The following TBL1XR1 variants were observed in gnomAD, a reference collection of about 807,000 sequenced individuals.
TBL1XR1 encodes TBL1X/Y related 1.
In TBL1XR1, 5 loss-of-function variants were observed where a neutral mutation model predicts 66.9. The ratio of observed to expected loss-of-function variants is 0.07; its 90% CI spans 0.04 to 0.16. TBL1XR1 has a LOEUF of 0.16. TBL1XR1 is among the 10% of genes least tolerant of loss of function. TBL1XR1 has a pLI of 1.00. For missense variants in TBL1XR1, 238 were observed against 623.2 expected (o/e 0.38, Z 6.58); for synonymous variants, 210 against 206.0 (o/e 1.02, Z -0.17).
intron 6 of TBL1XR1, 84 bp from the exon 7 acceptor site, chr3:177,050,222 A>T: frequency 6.8e-7 from 1 of 1,472,002 alleles, no homozygotes; most frequent in Non-Finnish European, 9.2e-7. Context: ...CTGAATATTA[A>T]TAAGGCAAAT....
At chr3:177,141,308 G>A (rs1322500024) in intron 1 of TBL1XR1, among the ~76,000 whole-genome samples, 1 of 152,144 alleles carries the variant, frequency 6.6e-6, no homozygotes, top group African/African-American at 2.4e-5. Context: ...TTTAAAAACT[G>A]ATTTTGATTT....
intron 1 of TBL1XR1, among the ~76,000 whole-genome samples, chr3:177,150,739 C>A (rs966145301): frequency 2.0e-5 from 3 of 152,168 alleles, no homozygotes; most frequent in Non-Finnish European, 2.9e-5. Flanking sequence ...AGGTGCCATG[C>A]AGCTGAGCAG....
intron 1 of TBL1XR1, among the ~76,000 whole-genome samples, chr3:177,164,904 T>A (rs73039696): frequency 4.3e-4 from 65 of 152,318 alleles, no homozygotes; most frequent in African/African-American, 1.5e-3. Context: ...TAGGAAAAAT[T>A]GTATATTTAC....
chr3:177,195,876 AC>A (rs1736787837), intron 1 of TBL1XR1, among the ~76,000 whole-genome samples: 1 of 152,210 alleles, frequency 6.6e-6, no homozygotes. Context: ...TCACATAGGT[AC>A]TAAAACTCTT....
intron 1 of TBL1XR1, among the ~76,000 whole-genome samples, chr3:177,194,575 T>G (rs567572115): frequency 6.6e-6 from 1 of 152,214 alleles, no homozygotes; most frequent in Non-Finnish European, 1.5e-5. Context: ...GAGATTCCTT[T>G]GTCAGCTACT....
At chr3:177,064,891 AG>A (rs1560133380) in intron 3 of TBL1XR1, 28 bp downstream of exon 3, 1 of 1,304,864 alleles carries the variant, frequency 7.7e-7, no homozygotes, top group South Asian at 1.3e-5. Flanking sequence ...AAATAATTTG[AG>A]GCCTATTTAC....
intron 1 of TBL1XR1, among the ~76,000 whole-genome samples, chr3:177,158,452 C>T (rs952657342): frequency 1.4e-4 from 22 of 152,212 alleles, no homozygotes; most frequent in South Asian, 4.2e-4. Context: ...TGGTCTCGAA[C>T]TCCTGACCTC....
At chr3:177,084,159 A>T (rs569973861) in intron 2 of TBL1XR1, among the ~76,000 whole-genome samples, 1 of 152,182 alleles carries the variant, frequency 6.6e-6, no homozygotes, top group Non-Finnish European at 1.5e-5. Flanking sequence ...TATACTGGCT[A>T]TATCATTCAG....
chr3:177,108,922 G>A (rs533689627), intron 1 of TBL1XR1, among the ~76,000 whole-genome samples: 3 of 152,224 alleles, frequency 2.0e-5, no homozygotes, highest in East Asian at 3.9e-4. Context: ...ACCAAGCAGC[G>A]ATGAGAAGAA....
At chr3:177,099,382 C>A (rs922404920) in intron 1 of TBL1XR1, 31 of 152,472 alleles carry the variant, frequency 2.0e-4, no homozygotes, top group African/African-American at 6.3e-4. Context: ...ACAACAACAA[C>A]AAAAAAGTTA....
At chr3:177,047,596 T>C (rs771374596) in intron 7 of TBL1XR1, 47 bp from the exon 8 acceptor site, 1 of 1,554,624 alleles carries the variant, frequency 6.4e-7, no homozygotes, top group South Asian at 1.1e-5. Flanking sequence ...AGATACGGTA[T>C]TTAATTGTTG....
chr3:177,189,534 A>G (rs1339840033), intron 1 of TBL1XR1, among the ~76,000 whole-genome samples: 2 of 151,942 alleles, frequency 1.3e-5, no homozygotes, highest in Non-Finnish European at 2.9e-5. Flanking sequence ...CAGCACCTGT[A>G]ATCCCAGCTA....
At chr3:177,111,782 A>C (rs1436856368) in intron 1 of TBL1XR1, among the ~76,000 whole-genome samples, 1 of 151,998 alleles carries the variant, frequency 6.6e-6, no homozygotes, top group African/African-American at 2.4e-5. Flanking sequence ...ATTTCAGATG[A>C]GTCAGAGCTA....
intron 1 of TBL1XR1, among the ~76,000 whole-genome samples, chr3:177,170,617 A>G (rs1165819996): frequency 1.3e-5 from 2 of 152,158 alleles, no homozygotes; most frequent in Non-Finnish European, 2.9e-5. Flanking sequence ...TATATTCTAA[A>G]GTCCTTGAGA....
intron 1 of TBL1XR1, chr3:177,099,406 A>G (rs559219918): frequency 1.3e-5 from 2 of 152,364 alleles, no homozygotes; most frequent in South Asian, 2.1e-4. Context: ...TTCACATACC[A>G]TGTCAGAGGA....
At chr3:177,123,731 G>T (rs1231653877) in intron 1 of TBL1XR1, among the ~76,000 whole-genome samples, 1 of 151,960 alleles carries the variant, frequency 6.6e-6, no homozygotes, top group Non-Finnish European at 1.5e-5. Context: ...TAAAACATAT[G>T]ATTCAAACAT....
rs764951521 is a variant in TBL1XR1, at chr3:177,071,031, G to GTTTTTTTTTTTTTTTT, written c.-45-6025_-45-6010dup. On this transcript the variant is annotated intron_variant, in intron 2 of 15. Coordinates refer to ENST00000457928, the MANE Select transcript of TBL1XR1 (RefSeq NM_024665.7). ...TGGAACAGACATGTTCTGAGAATCT[G>GTTTTTTTTTTTTTTTT]TTTTTTTTTTTTTTTTTGAGACAGA... 6.2e-4 allele frequency among the ~76,000 whole-genome samples: 65 copies of GTTTTTTTTTTTTTTTT among 104,670 alleles called. 8 individuals carry two copies. The highest frequency in any genetic ancestry group is 1.3e-3 in the East Asian group (4 of 3,050). 68.7% of individuals were successfully genotyped at this position (104,670 alleles called of 152,430 possible).
intron 14 of TBL1XR1, among the ~76,000 whole-genome samples, chr3:177,029,692 TAAAAA>T (rs1272851353): frequency 2.6e-5 from 4 of 151,288 alleles, no homozygotes; most frequent in African/African-American, 9.7e-5. Flanking sequence ...ATGAAGAAAA[TAAAAA>T]AGAAGGTACT....
intron 1 of TBL1XR1, among the ~76,000 whole-genome samples, chr3:177,172,934 A>G (rs1036386888): frequency 6.6e-6 from 1 of 152,134 alleles, no homozygotes; most frequent in Non-Finnish European, 1.5e-5. Flanking sequence ...GCACTTTGGG[A>G]GGCCAAGAAG....
Sources: gnomAD v4.1 joint callset for allele counts (sites outside exome capture counted in the v4.1 genomes callset) on GRCh38, gnomAD v4.1.1 for gene constraint, MANE v1.5 for transcripts, NCBI Gene and HGNC (gene_info 2026-07-23, HGNC 2026-07-21) for gene names.